The following NBPF26 variants were observed in gnomAD, a reference collection of about 807,000 sequenced individuals.
The protein encoded by NBPF26 is NBPF family member NBPF26.
NBPF26 carries 79 observed loss-of-function variants against 119.6 expected under a neutral mutation model. The observed-to-expected ratio is 0.66, with a 90% CI of 0.55 to 0.80. NBPF26 has a LOEUF of 0.80. NBPF26 is among the 30% of genes least tolerant of loss of function. NBPF26 has a pLI of 0.00. For missense variants in NBPF26, 800 were observed against 1,198.2 expected (o/e 0.67, Z 4.91); for synonymous variants, 299 against 457.7 (o/e 0.65, Z 4.43).
At chr1:120,823,791 T>TGTGTGTGTGTGA (rs1652189806) in intron 17 of NBPF26, among the ~76,000 whole-genome samples, 183 bp from the exon 18 acceptor site, 1 of 113,376 alleles carries the variant, frequency 8.8e-6, no homozygotes, top group Non-Finnish European at 1.7e-5. Context: ...TGTGTGTGTG[T>TGTGTGTGTGTGA]CTTTCATCTT....
At chr1:120,813,014 C>T (rs1347068686) in intron 10 of NBPF26, among the ~76,000 whole-genome samples, 1 of 118,866 alleles carries the variant, frequency 8.4e-6, no homozygotes, top group Non-Finnish European at 1.6e-5. Context: ...AGTCCTGCTT[C>T]CTGGGGCACA....
intron 4 of NBPF26, among the ~76,000 whole-genome samples, chr1:120,804,718 G>A: frequency 8.5e-6 from 1 of 117,480 alleles, no homozygotes; most frequent in South Asian, 2.5e-4. Flanking sequence ...GAAGAGCTTT[G>A]GACGTAGGGA....
At chr1:120,752,548 A>ATG (rs1651030861) in intron 1 of NBPF26, among the ~76,000 whole-genome samples, 12 of 11,278 alleles carry the variant, frequency 1.1e-3, no homozygotes, top group South Asian at 8.3e-3. Context: ...ATATATATAT[A>ATG]TATATATTTT....
intron 1 of NBPF26, among the ~76,000 whole-genome samples, chr1:120,745,177 C>T (rs1488436291): frequency 1.9e-5 from 2 of 107,622 alleles, no homozygotes; most frequent in Admixed American, 1.8e-4. Context: ...TGTCTAATTG[C>T]AAAGCCACAT....
intron 1 of NBPF26, among the ~76,000 whole-genome samples, chr1:120,726,850 G>C (rs1472942990): frequency 0.79 from 83,001 of 105,196 alleles, 36,638 homozygotes; most frequent in African/African-American, 0.82. Flanking sequence ...TAACTTCTTG[G>C]GATCTCTCTG....
chr1:120,724,254 A>G lies in NBPF26; in HGVS notation c.73+4A>G. On this transcript the variant is annotated splice_donor_region_variant and intron_variant, in intron 1 of 29. Coordinates refer to ENST00000620612, the Ensembl canonical transcript of NBPF26. Reference sequence around the variant, plus strand: ...TGCTGGGCGGCCCCCGCGCATGGTGAGTATCGGGCTGAGGGGCGCTGTCCG... The same window carrying G: ...TGCTGGGCGGCCCCCGCGCATGGTGGGTATCGGGCTGAGGGGCGCTGTCCG... The G allele has an allele frequency of 7.2e-7, 1 of 1,396,928 alleles. No homozygotes were observed. Among genetic ancestry groups the G allele is most frequent in the Non-Finnish European group, 9.4e-7 (1 of 1,066,016 alleles). 86.5% of individuals were successfully genotyped at this position (1,396,928 alleles called of 1,614,324 possible).
In NBPF26 at chr1:120,745,133, AC is replaced by A. The variant is rs1215353231; in HGVS notation, c.74-18494del. 1.7e-4 allele frequency among the ~76,000 whole-genome samples: 16 copies of A among 93,264 alleles called. No homozygotes were observed. In the East Asian group the frequency reaches 1.8e-3, roughly 11 times the overall value. The allele number at this position is 93,264 out of a possible 152,430, so 61.2% of individuals were successfully genotyped here. On this transcript the variant is annotated intron_variant, in intron 1 of 29. Coordinates refer to ENST00000620612, the Ensembl canonical transcript of NBPF26. ...AGATCCTGTCTCCAAAAAAAAAAAA[AC>A]AAAAAAAAAACAAAAAAAAGTGGTA...
chr1:120,777,417 GTGTATTAGT>G (rs1651311520), intron 2 of NBPF26, among the ~76,000 whole-genome samples: 1 of 87,180 alleles, frequency 1.1e-5, no homozygotes, highest in Non-Finnish European at 2.0e-5. Context: ...GGTAGTCTTT[GTGTATTAGT>G]TGTGATAAAA....
rs1170856325 is a variant in NBPF26 at position 120,810,837 on chromosome 1, C to G, written c.1564+279C>G. On this transcript the variant is annotated intron_variant, in intron 9 of 29. Coordinates refer to ENST00000620612, the Ensembl canonical transcript of NBPF26. ...GGCATGGTGCTGCATGCCTATAGTCCCAACTGCTCAGGAGACTTAGGTGGG... is the reference window on the plus strand; with the variant it reads ...GGCATGGTGCTGCATGCCTATAGTCGCAACTGCTCAGGAGACTTAGGTGGG... Among the ~76,000 whole-genome samples the G allele has an allele frequency of 3.6e-5, 4 of 109,856 alleles. 2 individuals are homozygous for G. Among genetic ancestry groups the G allele is most frequent in the Non-Finnish European group, 7.0e-5 (4 of 56,996 alleles). 72.1% of individuals were successfully genotyped at this position (109,856 alleles called of 152,430 possible). A position where few individuals can be genotyped will look rare whatever the true frequency, so the allele number is the denominator to read the frequency against.
intron 1 of NBPF26, 124 bp from the exon 2 acceptor site, chr1:120,763,504 A>G: frequency 4.3e-6 from 2 of 467,226 alleles, no homozygotes; most frequent in Non-Finnish European, 7.5e-6. Flanking sequence ...AACTGATTAA[A>G]ACTCTAAAAA....
intron 18 of NBPF26, among the ~76,000 whole-genome samples, chr1:120,829,598 G>A (rs1652296704): frequency 9.1e-6 from 1 of 109,406 alleles, no homozygotes; most frequent in East Asian, 2.4e-4. Context: ...AAAAACCAAG[G>A]AATCTCTATG....
rs1273190709 is a variant in NBPF26 at position 120,761,123 on chromosome 1, G to A, written c.74-2505G>A. Among the ~76,000 whole-genome samples, 5 of 124,652 alleles carry A rather than the reference G, an allele frequency of 4.0e-5. 1 individual carries two copies. Among genetic ancestry groups the A allele is most frequent in the Non-Finnish European group, 8.2e-5 (5 of 60,820 alleles). 81.8% of individuals were successfully genotyped at this position (124,652 alleles called of 152,430 possible). ...AGTTTGATTGGTTCACTAGGGCTAG[G>A]CTGTAAAGTTATTTGCTAGATTGAT... On this transcript the variant is annotated intron_variant, in intron 1 of 29. Transcript: ENST00000620612.
rs1553271032 is a variant in NBPF26 at position 120,811,935 on chromosome 1, C to G, written c.1614C>G (p.Ala538=). 1.7e-6 allele frequency: 2 copies of G among 1,163,662 alleles called. 1 individual carries two copies. Among genetic ancestry groups the G allele is most frequent in the Non-Finnish European group, 2.4e-6 (2 of 829,700 alleles). The allele number at this position is 1,163,662 out of a possible 1,614,324, so 72.1% of individuals were successfully genotyped here. ...CAAACGTCAGCATGGTGGTATCAGC[C>G]GGCCCTTTGTCCGGCGAGAAGGCAG... The change falls in exon 10 of 30, where the codon GCC becomes GCG. Residue 538 remains alanine, a synonymous_variant. Transcript: ENST00000620612.
chr1:120,834,709 A>G, intron 24 of NBPF26: 6 of 94 alleles, frequency 0.064, no homozygotes, highest in South Asian at 0.29. Flanking sequence ...AACTCCTTCC[A>G]GTTGTCTTGA....
intron 22 of NBPF26, among the ~76,000 whole-genome samples, chr1:120,832,631 C>A (rs1232676468): frequency 2.5e-5 from 3 of 121,418 alleles, no homozygotes; most frequent in South Asian, 2.4e-4. Flanking sequence ...TTTGCACAAA[C>A]TTGGGACAAA....
chr1:120,824,379 T>C (rs1183900316), intron 18 of NBPF26, among the ~76,000 whole-genome samples: 6 of 117,780 alleles, frequency 5.1e-5, no homozygotes, highest in South Asian at 5.1e-4. Flanking sequence ...ACCCTAATCC[T>C]ACTCTCATGA....
intron 1 of NBPF26, among the ~76,000 whole-genome samples, chr1:120,748,113 C>CTTTTT (rs1186945714): frequency 3.4e-5 from 1 of 29,674 alleles, no homozygotes; most frequent in East Asian, 1.5e-3. Context: ...GTAAAGGCTC[C>CTTTTT]TTTTTTTTTT....
intron 1 of NBPF26, among the ~76,000 whole-genome samples, chr1:120,734,373 GA>G (rs1650893162): frequency 2.8e-5 from 2 of 70,996 alleles, no homozygotes; most frequent in South Asian, 4.2e-4. Context: ...ATCAACCAAG[GA>G]AGGAAACCTA....
In NBPF26 at chr1:120,793,457, C is replaced by T. The variant is rs1256875698; in HGVS notation, c.712C>T (p.Gln238Ter). ...TTGTGTCAATGGAGGCACCTGTCGGCAGACTGGTGACTTCACTTTTGAGTG... is the reference window on the plus strand; with the variant it reads ...TTGTGTCAATGGAGGCACCTGTCGGTAGACTGGTGACTTCACTTTTGAGTG... Residue 238 changes from glutamine (Q) to a stop codon, truncating the protein, a stop_gained, in exon 4 of 30, where the codon CAG becomes TAG. Coordinates refer to ENST00000620612, the Ensembl canonical transcript of NBPF26. LOFTEE classifies it high-confidence loss of function. 3.5e-6 allele frequency: 5 copies of T among 1,432,004 alleles called. 1 individual carries two copies. The highest frequency in any genetic ancestry group is 2.7e-5 in the African/African-American group (1 of 37,724). The allele number at this position is 1,432,004 out of a possible 1,614,324, so 88.7% of individuals were successfully genotyped here. A position where few individuals can be genotyped will look rare whatever the true frequency, so the allele number is the denominator to read the frequency against.
Sources: gnomAD v4.1 joint callset for allele counts (sites outside exome capture counted in the v4.1 genomes callset) on GRCh38, gnomAD v4.1.1 for gene constraint, MANE v1.5 for transcripts, NCBI Gene and HGNC (gene_info 2026-07-23, HGNC 2026-07-21) for gene names.